Variants in GALNT13 observed in about 807,000 individuals in gnomAD.
GALNT13 encodes polypeptide N-acetylgalactosaminyltransferase 13.
GALNT13 carries 28 observed loss-of-function variants against 64.2 expected under a neutral mutation model. The ratio of observed to expected loss-of-function variants is 0.44; its 90% CI spans 0.32 to 0.60. GALNT13 has a LOEUF of 0.60. GALNT13 is among the 20% of genes least tolerant of loss of function. GALNT13 has a pLI of 0.05. For missense variants in GALNT13, 577 were observed against 669.8 expected (o/e 0.86, Z 1.53); for synonymous variants, 214 against 224.6 (o/e 0.95, Z 0.42).
chr2:154,242,505 A>C (rs1689548446), intron 5 of GALNT13, among the ~76,000 whole-genome samples, 193 bp from the exon 6 acceptor site: 1 of 152,272 alleles, frequency 6.6e-6, no homozygotes, highest in Admixed American at 6.5e-5. Context: ...ATTATTGAGC[A>C]TTCTCATATG....
chr2:153,377,138 G>C, the GALNT13 span, among the ~76,000 whole-genome samples: 1 of 152,170 alleles, frequency 6.6e-6, no homozygotes, highest in Non-Finnish European at 1.5e-5. Flanking sequence ...GGATGTACAT[G>C]CACAGAGGAT....
the GALNT13 span, among the ~76,000 whole-genome samples, chr2:153,722,760 G>A: frequency 6.6e-6 from 1 of 152,238 alleles, no homozygotes; most frequent in East Asian, 1.9e-4. Context: ...CCAGGAAGAA[G>A]TTGAATCTCT....
At chr2:154,058,912 T>C (rs1275803410) in intron 3 of GALNT13, among the ~76,000 whole-genome samples, 2 of 152,082 alleles carry the variant, frequency 1.3e-5, no homozygotes, top group Non-Finnish European at 2.9e-5. Context: ...GAATAGATGT[T>C]AGGAGGGGCC....
chr2:153,591,657 C>A, the GALNT13 span, among the ~76,000 whole-genome samples: 3 of 151,990 alleles, frequency 2.0e-5, no homozygotes, highest in Admixed American at 6.6e-5. Context: ...ATATCTATAT[C>A]TCTCACCATA....
chr2:153,261,942 C>T, the GALNT13 span, among the ~76,000 whole-genome samples: 2 of 152,238 alleles, frequency 1.3e-5, no homozygotes, highest in South Asian at 4.1e-4. Context: ...AACCCTGAGT[C>T]TCTTACATCA....
the GALNT13 span, among the ~76,000 whole-genome samples, chr2:153,166,620 C>CGTGTGTGTGTGTGT: frequency 2.8e-5 from 2 of 72,596 alleles, no homozygotes; most frequent in East Asian, 3.3e-4. Context: ...TTGCCTACTG[C>CGTGTGTGTGTGTGT]ATGTGTGTGT....
chr2:153,854,739 T>TC, the GALNT13 span, among the ~76,000 whole-genome samples: 5 of 152,068 alleles, frequency 3.3e-5, no homozygotes, highest in Admixed American at 1.3e-4. Context: ...ATATCAACTC[T>TC]CCACAAATTA....
intron 3 of GALNT13, among the ~76,000 whole-genome samples, chr2:154,139,122 T>C (rs902409765): frequency 6.6e-6 from 1 of 152,028 alleles, no homozygotes. Flanking sequence ...TATTCTCTTA[T>C]ATGGTTTGAC....
chr2:153,134,483 A>ATCCG, the GALNT13 span, among the ~76,000 whole-genome samples: 5,105 of 152,266 alleles, frequency 0.034, 198 homozygotes, highest in East Asian at 0.19. Context: ...GGGGCTGTTT[A>ATCCG]TCCGTCTGCT....
the GALNT13 span, among the ~76,000 whole-genome samples, chr2:153,812,945 G>T: frequency 2.0e-4 from 31 of 152,124 alleles, no homozygotes; most frequent in Admixed American, 1.6e-3. Flanking sequence ...CAGGTTTTGT[G>T]TTATCTTTTT....
chr2:154,124,330 G>C (rs1682130254), intron 3 of GALNT13, among the ~76,000 whole-genome samples: 1 of 151,978 alleles, frequency 6.6e-6, no homozygotes, highest in African/African-American at 2.4e-5. Flanking sequence ...TTGAACAATG[G>C]ATTCAGAATT....
At chr2:154,438,782 T>C in intron 12 of GALNT13, 56 bp downstream of exon 12, 1 of 1,327,380 alleles carries the variant, frequency 7.5e-7, no homozygotes, top group Non-Finnish European at 1.0e-6. Flanking sequence ...GTTATATATT[T>C]CAACATTCAA....
chr2:153,226,601 C>A, the GALNT13 span, among the ~76,000 whole-genome samples: 3 of 152,118 alleles, frequency 2.0e-5, no homozygotes, highest in Non-Finnish European at 4.4e-5. Flanking sequence ...AGACAAATCC[C>A]ATTTGAAGGG....
chr2:154,095,341 A>G (rs1044978242), intron 3 of GALNT13, among the ~76,000 whole-genome samples: 2 of 151,944 alleles, frequency 1.3e-5, no homozygotes, highest in Non-Finnish European at 2.9e-5. Flanking sequence ...GGAGATATTT[A>G]CATAGAATAA....
At chr2:153,567,593 G>C in the GALNT13 span, among the ~76,000 whole-genome samples, 1 of 152,190 alleles carries the variant, frequency 6.6e-6, no homozygotes, top group Admixed American at 6.5e-5. Context: ...ACAGACCAAA[G>C]TCCGTGGGTA....
chr2:154,284,605 T>G (rs1370038405), intron 8 of GALNT13, among the ~76,000 whole-genome samples: 2 of 151,918 alleles, frequency 1.3e-5, no homozygotes, highest in Non-Finnish European at 2.9e-5. Context: ...GGCAGGTGCT[T>G]TGGTTGCATC....
chr2:153,840,768 G>T, the GALNT13 span, among the ~76,000 whole-genome samples: 2 of 151,992 alleles, frequency 1.3e-5, no homozygotes, highest in African/African-American at 4.8e-5. Context: ...GGCAACAGGG[G>T]GACTATATAC....
chr2:153,331,702 T>A, the GALNT13 span, among the ~76,000 whole-genome samples: 1 of 152,080 alleles, frequency 6.6e-6, no homozygotes, highest in East Asian at 1.9e-4. Context: ...GGATCTGCCT[T>A]CCCCAGCCCA....
the GALNT13 span, among the ~76,000 whole-genome samples, chr2:153,799,318 C>T: frequency 6.6e-6 from 1 of 152,142 alleles, no homozygotes; most frequent in African/African-American, 2.4e-5. Flanking sequence ...ATCAGGGATT[C>T]TTGGAACTTC....
Sources: gnomAD v4.1 joint callset for allele counts (sites outside exome capture counted in the v4.1 genomes callset) on GRCh38, gnomAD v4.1.1 for gene constraint, MANE v1.5 for transcripts, NCBI Gene and HGNC (gene_info 2026-07-23, HGNC 2026-07-21) for gene names.